PPHLN1: variants seen among roughly 807,000 people sequenced by gnomAD.
PPHLN1 encodes the protein periphilin-1.
Under a neutral mutation model 51.3 loss-of-function variants are expected in PPHLN1, and 29 were observed. The observed-to-expected ratio is 0.57, with a 90% confidence interval of 0.42 to 0.77. The LOEUF (loss-of-function observed/expected upper bound fraction) is 0.77. Ranked by LOEUF, PPHLN1 falls within the 30% of genes least tolerant of loss-of-function variation. The probability of loss-of-function intolerance (pLI) is 0.00; values close to 1 mark genes in which losing one functional copy is unlikely to be tolerated. For synonymous variants in PPHLN1, 147 were observed against 147.8 expected (o/e 0.99, Z 0.04); for missense variants, 436 against 438.4 (o/e 0.99, Z 0.05).
Position 42,362,686 on chromosome 12 carries a change from A to G in PPHLN1, c.299+7464A>G, listed in dbSNP as rs1341356390. ...TTATTTTTATACAGTGTTTATGTGTATTCATGACTATGAGATCATGGCATT... is the reference window on the plus strand; with the variant it reads ...TTATTTTTATACAGTGTTTATGTGTGTTCATGACTATGAGATCATGGCATT... On this transcript the variant is annotated intron_variant, in intron 4 of 9. Coordinates refer to ENST00000358314, the MANE Select transcript of PPHLN1 (RefSeq NM_201439.2). Among the ~76,000 whole-genome samples the G allele has an allele frequency of 2.0e-5, 3 of 152,226 alleles. No individual in the cohort carries two copies. The East Asian group carries it at 5.8e-4, about 29-fold the overall frequency.
At chr12:42,419,513 C>T (rs1182942796) in intron 9 of PPHLN1, among the ~76,000 whole-genome samples, 4 of 152,114 alleles carry the variant, frequency 2.6e-5, no homozygotes, top group East Asian at 1.9e-4. Flanking sequence ...GGATTACAGG[C>T]GTGAGCCACC....
At chr12:42,367,605 A>T (rs1259273706) in intron 4 of PPHLN1, among the ~76,000 whole-genome samples, 1 of 152,184 alleles carries the variant, frequency 6.6e-6, no homozygotes, top group African/African-American at 2.4e-5. Context: ...ATTAATATTT[A>T]GTGAGGTGAT....
chr12:42,415,673 AT>A (rs1163866566), intron 9 of PPHLN1, among the ~76,000 whole-genome samples: 1 of 152,114 alleles, frequency 6.6e-6, no homozygotes, highest in African/African-American at 2.4e-5. Context: ...TATCACTCTG[AT>A]TTTTTGCTTT....
downstream of PPHLN1, chr12:42,446,567 G>T (rs1402184279): frequency 3.7e-6 from 6 of 1,611,842 alleles, no homozygotes; most frequent in African/African-American, 4.0e-5. Context: ...ACTCATGTTT[G>T]TCTCTTGTTG....
At chr12:42,337,869 T>TC (rs2070912457) in intron 2 of PPHLN1, among the ~76,000 whole-genome samples, 2 of 151,834 alleles carry the variant, frequency 1.3e-5, no homozygotes, top group Non-Finnish European at 2.9e-5. Context: ...CTGCAACCTC[T>TC]GTGTCCTGGA....
At chr12:42,442,661 C>T, downstream of PPHLN1, 5 of 1,614,142 alleles carry the variant, frequency 3.1e-6, no homozygotes, top group Non-Finnish European at 4.2e-6. Flanking sequence ...ACAGACTTGG[C>T]AGCAGGTACC....
intron 2 of PPHLN1, among the ~76,000 whole-genome samples, chr12:42,345,766 A>G (rs61926561): frequency 2.0e-5 from 3 of 151,776 alleles, no homozygotes; most frequent in Non-Finnish European, 4.4e-5. Flanking sequence ...TTCAACTCCA[A>G]TGAGTTTATT....
Position 42,351,774 on chromosome 12 carries a change from T to C in PPHLN1, c.73-111T>C, listed in dbSNP as rs947335123. 5.4e-6 allele frequency: 4 copies of C among 746,390 alleles called. No individual in the cohort carries two copies. In the African/African-American group the frequency reaches 5.6e-5, roughly 10 times the overall value. 46.2% of individuals were successfully genotyped at this position (746,390 alleles called of 1,614,324 possible). On this transcript the variant is annotated intron_variant, in intron 2 of 9. Coordinates refer to ENST00000358314, the MANE Select transcript of PPHLN1 (RefSeq NM_201439.2). ...GTTATTTCATTAACGCTTTTGTTTA[T>C]ACATTTAGCTCATTCGATTAAGGGT...
intron 5 of PPHLN1, among the ~76,000 whole-genome samples, chr12:42,383,834 A>G (rs2076957742): frequency 6.6e-6 from 1 of 151,920 alleles, no homozygotes; most frequent in African/African-American, 2.4e-5. Context: ...ACAAAAAAAA[A>G]TTAGCCAGGT....
chr12:42,404,516 CA>C (rs1194196270), intron 9 of PPHLN1, among the ~76,000 whole-genome samples: 2 of 119,246 alleles, frequency 1.7e-5, no homozygotes, highest in African/African-American at 7.4e-5. Context: ...GCAACAAGAG[CA>C]AAACTCCGTC....
downstream of PPHLN1, chr12:42,442,954 G>T: frequency 3.0e-6 from 2 of 656,084 alleles, no homozygotes; most frequent in Admixed American, 6.3e-5. Flanking sequence ...CCAGAAGAAG[G>T]CACGCTGGAC....
intron 5 of PPHLN1, chr12:42,375,308 G>A: frequency 5.1e-6 from 1 of 195,662 alleles, no homozygotes; most frequent in Non-Finnish European, 1.0e-5. Flanking sequence ...TCTTCAGCAT[G>A]TAAAAGGTTT....
At chr12:42,361,828 T>A (rs1394280305) in intron 4 of PPHLN1, 2 of 152,232 alleles carry the variant, frequency 1.3e-5, no homozygotes, top group African/African-American at 4.8e-5. Context: ...TGAATAATGC[T>A]ACAGTGAACA....
intron 2 of PPHLN1, among the ~76,000 whole-genome samples, chr12:42,343,435 CTAT>C (rs1247869606): frequency 6.6e-6 from 1 of 152,184 alleles, no homozygotes; most frequent in African/African-American, 2.4e-5. Flanking sequence ...TTAGACTCAA[CTAT>C]TAACATTTTA....
intron 4 of PPHLN1, among the ~76,000 whole-genome samples, chr12:42,365,986 G>T (rs1281577062): frequency 1.3e-5 from 2 of 152,044 alleles, no homozygotes; most frequent in Non-Finnish European, 2.9e-5. Context: ...AGCTTTTGTT[G>T]TAAGTTTTCT....
chr12:42,353,411 G>A (rs1044410021), intron 3 of PPHLN1, among the ~76,000 whole-genome samples: 1 of 152,180 alleles, frequency 6.6e-6, no homozygotes, highest in African/African-American at 2.4e-5. Flanking sequence ...AAGAAATGGA[G>A]GTAAGGTGAT....
intron 9 of PPHLN1, among the ~76,000 whole-genome samples, chr12:42,413,276 G>A (rs1196531176): frequency 6.6e-6 from 1 of 152,094 alleles, no homozygotes; most frequent in Non-Finnish European, 1.5e-5. Flanking sequence ...TCCATCTTGA[G>A]TTGTTGATTT....
chr12:42,384,714 C>T (rs186286481), intron 5 of PPHLN1, among the ~76,000 whole-genome samples: 41 of 152,350 alleles, frequency 2.7e-4, no homozygotes, highest in African/African-American at 9.4e-4. Flanking sequence ...GACAGTTCCC[C>T]TTGGCTTCTT....
Position 42,387,546 on chromosome 12 carries a change from T to A in PPHLN1, c.648+11T>A. On this transcript the variant is annotated intron_variant, in intron 7 of 9. Coordinates refer to ENST00000358314, the MANE Select transcript of PPHLN1 (RefSeq NM_201439.2). ...GTTTCTTCATCAAAGGTTTGTTATA[T>A]TTCTAAAATCAGTTTAAAGAAGAAT... The A allele has an allele frequency of 6.2e-7, 1 of 1,608,482 alleles. No individual in the cohort carries two copies. Among genetic ancestry groups the A allele is most frequent in the Non-Finnish European group, 8.5e-7 (1 of 1,178,348 alleles).
Sources: gnomAD v4.1 joint callset for allele counts (sites outside exome capture counted in the v4.1 genomes callset) on GRCh38, gnomAD v4.1.1 for gene constraint, MANE v1.5 for transcripts, NCBI Gene and HGNC (gene_info 2026-07-23, HGNC 2026-07-21) for gene names.